CYP7B1: variants seen among roughly 807,000 people sequenced by gnomAD.
CYP7B1 encodes the protein cytochrome P450 family 7 subfamily B member 1, also known as cytochrome P450 7B1.
Under a neutral mutation model 42.7 loss-of-function variants are expected in CYP7B1, and 29 were observed. The ratio of observed to expected loss-of-function variants is 0.68; its 90% CI spans 0.51 to 0.93. The LOEUF (loss-of-function observed/expected upper bound fraction) is 0.93, where lower values mean the gene tolerates loss of function less well. CYP7B1 is among the 40% of genes least tolerant of loss of function. The probability of loss-of-function intolerance (pLI) is 0.00; values close to 1 mark genes in which losing one functional copy is unlikely to be tolerated. For missense variants in CYP7B1, 655 were observed against 600.5 expected (o/e 1.09, Z -0.95); for synonymous variants, 235 against 218.2 (o/e 1.08, Z -0.68).
At chr8:64,675,512 T>C (rs1806433130) in intron 1 of CYP7B1, among the ~76,000 whole-genome samples, 1 of 151,308 alleles carries the variant, frequency 6.6e-6, no homozygotes, top group Admixed American at 6.6e-5. Context: ...CTATTATTAT[T>C]ATTTTACTGA....
At chr8:64,738,876 C>G (rs1807528754) in intron 1 of CYP7B1, among the ~76,000 whole-genome samples, 2 of 152,032 alleles carry the variant, frequency 1.3e-5, no homozygotes, top group South Asian at 4.1e-4. Context: ...TTGACAAATT[C>G]CTGGGGGGTG....
At chr8:64,778,506 A>G (rs922634675) in intron 1 of CYP7B1, among the ~76,000 whole-genome samples, 9 of 152,024 alleles carry the variant, frequency 5.9e-5, no homozygotes, top group Admixed American at 2.6e-4. Flanking sequence ...ACACTTTCTC[A>G]TTCAATATTT....
chr8:64,768,368 A>C (rs1026843539), intron 1 of CYP7B1, among the ~76,000 whole-genome samples: 5 of 152,182 alleles, frequency 3.3e-5, no homozygotes, highest in African/African-American at 1.2e-4. Context: ...TCCAAAAAAA[A>C]AAAAAAGTGT....
rs138965512 is a variant in CYP7B1 at position 64,751,918 on chromosome 8, G to A, written c.122+46548C>T. ...ATGTGAAAGAACATAGCACCACATAGGCACCCAATAATTCACAATAAAAGT... is the reference window on the plus strand; with the variant it reads ...ATGTGAAAGAACATAGCACCACATAAGCACCCAATAATTCACAATAAAAGT... On this transcript the variant is annotated intron_variant, in intron 1 of 5. Transcript: ENST00000310193. Among the ~76,000 whole-genome samples the A allele has an allele frequency of 1.4e-3, 213 of 152,224 alleles. 5 individuals are homozygous for A. The highest frequency in any genetic ancestry group is 4.9e-3 in the African/African-American group (203 of 41,532).
intron 1 of CYP7B1, among the ~76,000 whole-genome samples, chr8:64,724,564 T>C (rs1330511855): frequency 2.6e-5 from 4 of 152,162 alleles, no homozygotes; most frequent in Non-Finnish European, 5.9e-5. Flanking sequence ...AATAAAGTCA[T>C]TTTCACAAAT....
At chr8:64,701,451 A>C (rs1316426082) in intron 1 of CYP7B1, among the ~76,000 whole-genome samples, 1 of 152,108 alleles carries the variant, frequency 6.6e-6, no homozygotes, top group Non-Finnish European at 1.5e-5. Flanking sequence ...CTGTAGTTTA[A>C]TCCTTTAATA....
intron 1 of CYP7B1, among the ~76,000 whole-genome samples, chr8:64,644,983 T>A (rs1160830968): frequency 6.6e-6 from 1 of 150,690 alleles, no homozygotes; most frequent in Non-Finnish European, 1.5e-5. Flanking sequence ...CTTGTTCAAT[T>A]CCCACCTATG....
intron 4 of CYP7B1, among the ~76,000 whole-genome samples, chr8:64,612,583 A>C (rs1490365385): frequency 6.6e-6 from 1 of 152,152 alleles, no homozygotes; most frequent in Admixed American, 6.6e-5. Context: ...TTGGCAGTCT[A>C]ACGTTTCTTC....
chr8:64,730,906 T>G (rs935989859), intron 1 of CYP7B1, among the ~76,000 whole-genome samples: 1 of 152,114 alleles, frequency 6.6e-6, no homozygotes, highest in Non-Finnish European at 1.5e-5. Context: ...AGCGGTCCCC[T>G]CATGCTGGTC....
In CYP7B1 at chr8:64,717,918, G is replaced by T. The variant is rs148614983; in HGVS notation, c.122+80548C>A. On this transcript the variant is annotated intron_variant, in intron 1 of 5. Transcript: ENST00000310193. Reference sequence around the variant, plus strand: ...TTTTCTAGCAAATCATTGTAATATTGTAATATAAGACTATTATATCTAGCA... The same window carrying T: ...TTTTCTAGCAAATCATTGTAATATTTTAATATAAGACTATTATATCTAGCA... Among the ~76,000 whole-genome samples the T allele has an allele frequency of 7.6e-3, 1,128 of 148,512 alleles. 13 individuals carry two copies. The highest frequency in any genetic ancestry group is 0.018 in the Middle Eastern group (5 of 282).
intron 1 of CYP7B1, among the ~76,000 whole-genome samples, chr8:64,736,771 G>A (rs1002798704): frequency 1.3e-5 from 2 of 151,950 alleles, no homozygotes; most frequent in Non-Finnish European, 2.9e-5. Flanking sequence ...TAATTCCTGG[G>A]AGTTTCAAAA....
chr8:64,706,022 A>AT (rs977949514), intron 1 of CYP7B1, among the ~76,000 whole-genome samples: 78 of 151,734 alleles, frequency 5.1e-4, no homozygotes, highest in Non-Finnish European at 9.3e-4. Context: ...CTGAGCCTTA[A>AT]TTTTTTTTTA....
intron 1 of CYP7B1, among the ~76,000 whole-genome samples, chr8:64,751,922 C>A (rs1807731942): frequency 6.6e-6 from 1 of 152,164 alleles, no homozygotes; most frequent in South Asian, 2.1e-4. Flanking sequence ...CACATAGGCA[C>A]CCAATAATTC....
rs767826482 is a variant in CYP7B1, at chr8:64,615,127, C to T, written c.956G>A (p.Arg319His). ...LRHPEAMAAV[R>H]DEIDRLLQST... ...CTGCAGCAAACGGTCAATTTCGTCA[C>T]GCACTGCTGCCATAGCTTCTGGGTG... The change falls in exon 4 of 6, where the codon CGT (arginine) becomes CAT (histidine). Residue 319 changes from arginine to histidine, a missense_variant. Physicochemically the swap from Arg to His is conservative, Grantham distance 29 (BLOSUM62 0). Coordinates refer to ENST00000310193, the MANE Select transcript of CYP7B1 (RefSeq NM_004820.5). 7.4e-6 allele frequency: 12 copies of T among 1,613,670 alleles called. No individual in the cohort carries two copies. Among genetic ancestry groups the T allele is most frequent in the Middle Eastern group, 1.6e-4 (1 of 6,062 alleles).
At chr8:64,764,943 A>C (rs1807948429) in intron 1 of CYP7B1, among the ~76,000 whole-genome samples, 1 of 151,898 alleles carries the variant, frequency 6.6e-6, no homozygotes, top group African/African-American at 2.4e-5. Flanking sequence ...AGACCTAGAC[A>C]GGACGATAGA....
intron 1 of CYP7B1, among the ~76,000 whole-genome samples, chr8:64,765,964 G>A (rs1349122734): frequency 2.0e-5 from 3 of 152,200 alleles, no homozygotes; most frequent in African/African-American, 7.2e-5. Context: ...GCCATATATT[G>A]TTACTGCTAG....
Position 64,659,184 on chromosome 8 carries a change from C to T in CYP7B1, c.123-34645G>A, listed in dbSNP as rs574605658. ...TTGGGGAACTGGTATTTTACTAAACCACGGTAATGGAGAATTTGTGCATTT... is the reference window on the plus strand; with the variant it reads ...TTGGGGAACTGGTATTTTACTAAACTACGGTAATGGAGAATTTGTGCATTT... On this transcript the variant is annotated intron_variant, in intron 1 of 5. Coordinates refer to ENST00000310193, the MANE Select transcript of CYP7B1 (RefSeq NM_004820.5). Among the ~76,000 whole-genome samples the T allele has an allele frequency of 2.6e-5, 4 of 152,212 alleles. No individual in the cohort carries two copies. In the South Asian group the frequency reaches 8.3e-4, roughly 32 times the overall value.
intron 1 of CYP7B1, among the ~76,000 whole-genome samples, chr8:64,722,757 C>T (rs1029452000): frequency 1.9e-4 from 2 of 10,344 alleles, no homozygotes; most frequent in African/African-American, 3.3e-4. Context: ...GGGGGGGGGG[C>T]GGGAGGTTTT....
chr8:64,781,432 G>A lies in CYP7B1; in HGVS notation c.122+17034C>T, dbSNP rs554269906. Among the ~76,000 whole-genome samples, 8 of 152,214 alleles carry A rather than the reference G, an allele frequency of 5.3e-5. No individual in the cohort carries two copies. The East Asian group carries it at 1.5e-3, about 29-fold the overall frequency. ...GGGCCTCACTGGGCTAAAAATCACA[G>A]TATTGGCAGGGCAGGTATGGCTGAA... On this transcript the variant is annotated intron_variant, in intron 1 of 5. Transcript: ENST00000310193.
Sources: allele counts gnomAD v4.1 joint callset (sites outside exome capture counted in the v4.1 genomes callset), GRCh38; gene constraint gnomAD v4.1.1; transcripts MANE v1.5; gene names NCBI Gene and HGNC (gene_info 2026-07-23, HGNC 2026-07-21).